DLGAP2: variants seen among roughly 807,000 people sequenced by gnomAD.
DLGAP2 encodes DLG associated protein 2, also known as disks large-associated protein 2.
In DLGAP2, 26 loss-of-function variants were observed where a neutral mutation model predicts 100.3. The observed-to-expected ratio is 0.26, with a 90% CI of 0.19 to 0.36. The LOEUF (loss-of-function observed/expected upper bound fraction) is 0.36, where lower values mean the gene tolerates loss of function less well. Ranked by LOEUF, DLGAP2 falls within the 10% of genes least tolerant of loss-of-function variation. The probability of loss-of-function intolerance (pLI) is 1.00; values close to 1 mark genes in which losing one functional copy is unlikely to be tolerated. For missense variants in DLGAP2, 1,858 were observed against 1,453.2 expected, an observed-to-expected ratio of 1.28 and a Z score of -4.53; for synonymous variants, 886 against 630.1, an observed-to-expected ratio of 1.41 and a Z score of -6.08.
At chr8:959,349 C>T (rs890389054) in intron 2 of DLGAP2, among the ~76,000 whole-genome samples, 2 of 152,094 alleles carry the variant, frequency 1.3e-5, no homozygotes, top group Non-Finnish European at 2.9e-5. Flanking sequence ...TCCACTGTCA[C>T]GGATGAGCCA....
chr8:1,217,987 A>G (rs1411945171), intron 2 of DLGAP2, among the ~76,000 whole-genome samples: 2 of 151,956 alleles, frequency 1.3e-5, no homozygotes, highest in Non-Finnish European at 2.9e-5. Context: ...TGTTGATGCT[A>G]GGTATTAGAC....
intron 3 of DLGAP2, among the ~76,000 whole-genome samples, chr8:1,468,157 C>T (rs776521283): frequency 4.9e-4 from 75 of 152,352 alleles, no homozygotes; most frequent in Middle Eastern, 6.8e-3. Context: ...TCCCCAGCAG[C>T]CTCGGTCCCT....
chr8:1,665,991 G>T (rs953795670), intron 8 of DLGAP2, among the ~76,000 whole-genome samples: 1 of 152,190 alleles, frequency 6.6e-6, no homozygotes, highest in Non-Finnish European at 1.5e-5. Flanking sequence ...GCCAGGAAAG[G>T]CGTCATCAGA....
intron 3 of DLGAP2, among the ~76,000 whole-genome samples, chr8:1,306,103 G>T (rs1800484818): frequency 7.4e-6 from 1 of 134,594 alleles, no homozygotes; most frequent in Admixed American, 7.7e-5. Flanking sequence ...GAGAGAGGGA[G>T]AAAAAATAGA....
Position 1,654,375 on chromosome 8 carries a change from A to G in DLGAP2, c.1811-13954A>G, listed in dbSNP as rs536657596. ...AAGCTTTGCATTCTTAAAGAATTGG[A>G]ACATGGCCGGGCATGGTGGCTCACG... is the stretch of plus-strand genomic sequence containing the variant. On this transcript the variant is annotated intron_variant, in intron 8 of 14. Transcript: ENST00000637795. Among the ~76,000 whole-genome samples the G allele has an allele frequency of 4.6e-5, 7 of 152,350 alleles. No individual in the cohort carries two copies. In the South Asian group the frequency reaches 1.4e-3, roughly 32 times the overall value.
At chr8:1,677,038 G>A (rs1798828078) in intron 11 of DLGAP2, among the ~76,000 whole-genome samples, 1 of 152,026 alleles carries the variant, frequency 6.6e-6, no homozygotes. Flanking sequence ...ATATTACCTA[G>A]AAACAAAAAA....
intron 2 of DLGAP2, among the ~76,000 whole-genome samples, chr8:1,224,057 A>G (rs913305555): frequency 6.6e-6 from 1 of 152,246 alleles, no homozygotes; most frequent in African/African-American, 2.4e-5. Context: ...TCAAAACGAT[A>G]TTCTTTGAGC....
chr8:1,276,742 A>G (rs980094192), intron 3 of DLGAP2, among the ~76,000 whole-genome samples: 7 of 152,076 alleles, frequency 4.6e-5, no homozygotes, highest in Admixed American at 1.3e-4. Context: ...GTTTTCTTTA[A>G]ATGTAGTGCT....
rs991628767 is a variant in DLGAP2, at chr8:895,555, G to A, written c.19-12357G>A. Among the ~76,000 whole-genome samples the A allele has an allele frequency of 6.6e-5, 10 of 152,296 alleles. 1 individual carries two copies. Among genetic ancestry groups the A allele is most frequent in the Middle Eastern group, 3.4e-3 (1 of 294 alleles). On this transcript the variant is annotated intron_variant, in intron 1 of 14. Transcript: ENST00000637795. ...GAGAGGAGGCTGGAAGTGGTAGCTA[G>A]AGCCACATTGCATGGGGCCTTCAGG...
chr8:1,369,796 G>GA (rs1354704857), intron 3 of DLGAP2: 2 of 152,290 alleles, frequency 1.3e-5, no homozygotes, highest in Non-Finnish European at 2.9e-5. Context: ...AGTGATGTAG[G>GA]AAAATGCCGT....
intron 3 of DLGAP2, among the ~76,000 whole-genome samples, chr8:1,475,266 A>G (rs1017275243): frequency 3.3e-5 from 5 of 152,154 alleles, no homozygotes; most frequent in African/African-American, 1.2e-4. Flanking sequence ...GCATCACACA[A>G]TCAACCTACA....
chr8:1,646,315 C>A (rs2469730), intron 8 of DLGAP2, among the ~76,000 whole-genome samples: 2 of 152,188 alleles, frequency 1.3e-5, no homozygotes, highest in African/African-American at 2.4e-5. Context: ...TCTCGGAACT[C>A]GTCAGCCTCA....
In DLGAP2 at chr8:1,678,564, A is replaced by C; in HGVS notation, c.2639A>C (p.Lys880Thr). The change falls in exon 12 of 15, where the codon AAG becomes ACG. Residue 880 changes from lysine to threonine, a missense_variant. Transcript: ENST00000637795. Reference protein sequence around the residue: ...WFLKLLHAETKRMEGWCKEME... With the variant: ...WFLKLLHAETTRMEGWCKEME... ...TTGAAGCTGCTGCACGCAGAGACAA[A>C]GAGGATGGAAGGCTGGTGCAAAGAG... 6.3e-7 allele frequency: 1 copy of C among 1,585,492 alleles called. No homozygotes were observed. The highest frequency in any genetic ancestry group is 8.6e-7 in the Non-Finnish European group (1 of 1,166,194).
chr8:1,222,556 T>C (rs1327566581), intron 2 of DLGAP2, among the ~76,000 whole-genome samples: 1 of 151,746 alleles, frequency 6.6e-6, no homozygotes, highest in Admixed American at 6.6e-5. Flanking sequence ...TAAGTGCACA[T>C]GCATGTATGT....
intron 2 of DLGAP2, among the ~76,000 whole-genome samples, chr8:1,215,050 CA>C (rs1295189266): frequency 1.3e-5 from 2 of 152,090 alleles, no homozygotes; most frequent in African/African-American, 2.4e-5. Flanking sequence ...TATAAGAACA[CA>C]AAAGGGAAAA....
At chr8:910,276 ACT>A (rs1272684644) in intron 2 of DLGAP2, 1 of 152,040 alleles carries the variant, frequency 6.6e-6, no homozygotes, top group Non-Finnish European at 1.5e-5. Context: ...AATGCTTTAT[ACT>A]CCATTAACTT....
chr8:1,501,664 G>A (rs185770831), intron 4 of DLGAP2, among the ~76,000 whole-genome samples: 4 of 152,348 alleles, frequency 2.6e-5, no homozygotes, highest in Non-Finnish European at 2.9e-5. Context: ...TGAGGCAGCC[G>A]TTCACATAAA....
intron 1 of DLGAP2, among the ~76,000 whole-genome samples, chr8:779,472 T>TG (rs1243106522): frequency 6.6e-6 from 1 of 151,464 alleles, no homozygotes; most frequent in East Asian, 1.9e-4. Context: ...TCTTTCTTTT[T>TG]TTTTTTTTTC....
At chr8:1,656,265 G>A (rs1158406103) in intron 8 of DLGAP2, among the ~76,000 whole-genome samples, 1 of 151,866 alleles carries the variant, frequency 6.6e-6, no homozygotes, top group Non-Finnish European at 1.5e-5. Flanking sequence ...AGCTGAGATC[G>A]TGCCACTGCA....
Sources: allele counts gnomAD v4.1 joint callset (sites outside exome capture counted in the v4.1 genomes callset), GRCh38; gene constraint gnomAD v4.1.1; transcripts MANE v1.5; gene names NCBI Gene and HGNC (gene_info 2026-07-23, HGNC 2026-07-21).